MCCC1: variants seen among roughly 807,000 people sequenced by gnomAD.
MCCC1 encodes the protein methylcrotonyl-CoA carboxylase subunit 1.
Under a neutral mutation model 83.8 loss-of-function variants are expected in MCCC1, and 64 were observed. That is an observed-to-expected ratio of 0.76 (90% CI 0.62 to 0.94). MCCC1 has a LOEUF of 0.94. MCCC1 is among the 40% of genes least tolerant of loss of function. MCCC1 has a pLI of 0.00. For missense variants in MCCC1, 807 were observed against 904.7 expected (o/e 0.89, Z 1.39); for synonymous variants, 322 against 315.4 (o/e 1.02, Z -0.22).
chr3:183,079,261 G>A (rs917662541), intron 4 of MCCC1, among the ~76,000 whole-genome samples: 2 of 152,162 alleles, frequency 1.3e-5, no homozygotes, highest in African/African-American at 4.8e-5. Flanking sequence ...CTGAGACAAG[G>A]CAAGTCCCTT....
intron 4 of MCCC1, among the ~76,000 whole-genome samples, chr3:183,080,378 T>A (rs1354350308): frequency 1.3e-5 from 2 of 152,120 alleles, no homozygotes; most frequent in East Asian, 3.9e-4. Context: ...GGTCCACAAA[T>A]CTCTACAGCA....
chr3:183,040,453 G>A lies in MCCC1; in HGVS notation c.1267+1114C>T, dbSNP rs796652757. On this transcript the variant is annotated intron_variant, in intron 11 of 18. Coordinates refer to ENST00000265594, the MANE Select transcript of MCCC1 (RefSeq NM_020166.5). ...TGGCCAGGCACGGTGGCTCACCCCT[G>A]TAATCCCAGCACCTTGAAAGGCCAA... is the stretch of plus-strand genomic sequence containing the variant. 4.7e-4 allele frequency among the ~76,000 whole-genome samples: 71 copies of A among 150,882 alleles called. 1 individual carries two copies. Among genetic ancestry groups the A allele is most frequent in the African/African-American group, 1.7e-3 (71 of 41,058 alleles).
chr3:183,107,440 GA>G (rs1719423623), intron 1 of MCCC1, among the ~76,000 whole-genome samples: 2 of 151,092 alleles, frequency 1.3e-5, no homozygotes. Flanking sequence ...AAAAGAAAAA[GA>G]AAACACTGTA....
chr3:183,046,991 G>A (rs1714605490), intron 9 of MCCC1, among the ~76,000 whole-genome samples: 1 of 152,152 alleles, frequency 6.6e-6, no homozygotes, highest in Non-Finnish European at 1.5e-5. Flanking sequence ...GTTACAGGAG[G>A]ACCTCACACT....
At chr3:183,059,687 G>C (rs1003327927) in intron 7 of MCCC1, among the ~76,000 whole-genome samples, 1 of 152,104 alleles carries the variant, frequency 6.6e-6, no homozygotes, top group African/African-American at 2.4e-5. Flanking sequence ...TGCAAGACAG[G>C]TCTACTGGTG....
chr3:183,041,458 T>C, intron 11 of MCCC1, 109 bp downstream of exon 11: 2 of 1,170,616 alleles, frequency 1.7e-6, no homozygotes, highest in Admixed American at 2.3e-5. Context: ...TTCTTTATTT[T>C]AAAATATGCT....
chr3:183,071,888 A>C (rs1217621697), intron 5 of MCCC1, among the ~76,000 whole-genome samples: 1 of 65,360 alleles, frequency 1.5e-5, no homozygotes, highest in African/African-American at 7.9e-5. Context: ...TTTTTTTTTG[A>C]GATGGGGTCT....
chr3:183,035,504 A>ATT lies in MCCC1; in HGVS notation c.1595-1429_1595-1428dup, dbSNP rs34764997. ...GGACCAGAAGTGTTTTGAATTTCAG[A>ATT]TTTTTTTTTTTTTTTTTGGATTTTG... is the stretch of plus-strand genomic sequence containing the variant. On this transcript the variant is annotated intron_variant, in intron 13 of 18. Transcript: ENST00000265594. 5.9e-3 allele frequency among the ~76,000 whole-genome samples: 824 copies of ATT among 140,392 alleles called. 3 individuals carry two copies. Among genetic ancestry groups the ATT allele is most frequent in the African/African-American group, 0.018 (694 of 37,902 alleles). 92.1% of individuals were successfully genotyped at this position (140,392 alleles called of 152,430 possible). A position where few individuals can be genotyped will look rare whatever the true frequency, so the allele number is the denominator to read the frequency against.
chr3:183,018,916 A>G (rs1711917599), intron 17 of MCCC1, among the ~76,000 whole-genome samples: 1 of 152,222 alleles, frequency 6.6e-6, no homozygotes, highest in South Asian at 2.1e-4. Context: ...TCTTTTGTAT[A>G]CATATAAATG....
chr3:183,033,114 A>G (rs1417119363), intron 14 of MCCC1, among the ~76,000 whole-genome samples: 1 of 152,206 alleles, frequency 6.6e-6, no homozygotes, highest in African/African-American at 2.4e-5. Flanking sequence ...ACTGTCTCAC[A>G]GCAGAAGGGA....
Position 183,022,524 on chromosome 3 carries a change from T to G in MCCC1, c.1762A>C (p.Asn588His). Residue 588 changes from asparagine (N) to histidine (H), a missense_variant, in exon 16 of 19, where the codon AAT becomes CAT. Transcript: ENST00000265594. Reference protein sequence around the residue: ...IEDKTFQVLGNLYSEGDCTYL... With the variant: ...IEDKTFQVLGHLYSEGDCTYL... ...GTGCAGTCTCCCTCGCTGTAAAGAT[T>G]ACCAAGGACTTGGAAAGTTTTATCT... 1 of 1,613,736 alleles carries G rather than the reference T, an allele frequency of 6.2e-7. No individual in the cohort carries two copies. The highest frequency in any genetic ancestry group is 8.5e-7 in the Non-Finnish European group (1 of 1,179,746).
intron 9 of MCCC1, among the ~76,000 whole-genome samples, chr3:183,046,087 G>T (rs1020251423): frequency 1.6e-4 from 24 of 152,170 alleles, no homozygotes; most frequent in Admixed American, 1.5e-3. Context: ...ACAACAAACT[G>T]TAACTATTTG....
intron 4 of MCCC1, among the ~76,000 whole-genome samples, chr3:183,080,857 G>C (rs1717438052): frequency 6.6e-6 from 1 of 152,192 alleles, no homozygotes; most frequent in African/African-American, 2.4e-5. Context: ...GAGAGCTTGA[G>C]CAGGGAAACT....
At chr3:183,041,156 CTTTAA>C (rs1714051426) in intron 11 of MCCC1, among the ~76,000 whole-genome samples, 1 of 152,146 alleles carries the variant, frequency 6.6e-6, no homozygotes, top group Non-Finnish European at 1.5e-5. Context: ...TGTTTCTTTA[CTTTAA>C]TTTTTTTATT....
chr3:183,077,636 C>T (rs1034591867), intron 4 of MCCC1, among the ~76,000 whole-genome samples: 14 of 151,034 alleles, frequency 9.3e-5, no homozygotes, highest in East Asian at 1.9e-4. Context: ...CATTTTTTTT[C>T]GTGAACCTTT....
At chr3:183,072,578 C>T in intron 4 of MCCC1, 91 bp from the exon 5 acceptor site, 4 of 1,399,322 alleles carry the variant, frequency 2.9e-6, no homozygotes, top group African/African-American at 1.4e-5. Context: ...TCTGGGAGGC[C>T]TCTCCCTACA....
At chr3:183,098,940 AGCT>A (rs1158056023) in intron 1 of MCCC1, 2 of 275,768 alleles carry the variant, frequency 7.3e-6, no homozygotes, top group Admixed American at 4.7e-5. Flanking sequence ...ATTTCTTACT[AGCT>A]GTGTTTCGTT....
At chr3:183,061,775 T>C (rs1214622964) in intron 7 of MCCC1, among the ~76,000 whole-genome samples, 1 of 152,252 alleles carries the variant, frequency 6.6e-6, no homozygotes, top group Admixed American at 6.5e-5. Context: ...TGGATATGAC[T>C]GATAACTTTC....
chr3:183,106,872 T>G (rs1016114506), intron 1 of MCCC1, among the ~76,000 whole-genome samples: 6 of 152,144 alleles, frequency 3.9e-5, no homozygotes, highest in African/African-American at 1.4e-4. Flanking sequence ...GATATATATG[T>G]GTACACACAC....
Sources: gnomAD v4.1 joint callset for allele counts (sites outside exome capture counted in the v4.1 genomes callset) on GRCh38, gnomAD v4.1.1 for gene constraint, MANE v1.5 for transcripts, NCBI Gene and HGNC (gene_info 2026-07-23, HGNC 2026-07-21) for gene names.